Variants in AFAP1L2 observed in about 807,000 individuals in gnomAD.
AFAP1L2 encodes actin filament-associated protein 1-like 2.
In AFAP1L2, 46 loss-of-function variants were observed where a neutral mutation model predicts 99.3. The ratio of observed to expected loss-of-function variants is 0.46; its 90% CI spans 0.37 to 0.59. The LOEUF is 0.59. AFAP1L2 is among the 20% of genes least tolerant of loss of function. AFAP1L2 has a pLI of 0.00. For missense variants in AFAP1L2, 959 were observed against 1,034.9 expected (o/e 0.93, Z 1.01); for synonymous variants, 397 against 419.1 (o/e 0.95, Z 0.64).
chr10:114,285,912 CAGTG>C, the AFAP1L2 span: 10 of 1,555,714 alleles, frequency 6.4e-6, no homozygotes, highest in Non-Finnish European at 8.7e-6. Flanking sequence ...CATGGCTTGA[CAGTG>C]GGTGTTGCTG....
intron 2 of AFAP1L2, among the ~76,000 whole-genome samples, chr10:114,334,390 T>C (rs188260538): frequency 1.3e-5 from 2 of 152,342 alleles, no homozygotes; most frequent in East Asian, 1.9e-4. Flanking sequence ...TCCTAGAAAC[T>C]TGTGGCTGAT....
downstream of AFAP1L2, among the ~76,000 whole-genome samples, chr10:114,292,498 T>C (rs1039337354): frequency 6.6e-5 from 10 of 151,698 alleles, no homozygotes; most frequent in African/African-American, 2.4e-4. Context: ...TAAAGAAATA[T>C]TTCAAGAAAT....
rs139194923 is a variant in AFAP1L2 at position 114,335,339 on chromosome 10, A to G, written c.146-2044T>C. 2.0e-3 allele frequency among the ~76,000 whole-genome samples: 310 copies of G among 152,266 alleles called. 3 individuals carry two copies. The East Asian group carries it at 0.026, about 13-fold the overall frequency. On this transcript the variant is annotated intron_variant, in intron 2 of 18. Coordinates refer to ENST00000304129, the MANE Select transcript of AFAP1L2 (RefSeq NM_001001936.3). ...AAAAGAATACAACATATGGCCGGGCACGGTGGCTCACATCTGTAATCCCAG... is the reference window on the plus strand; with the variant it reads ...AAAAGAATACAACATATGGCCGGGCGCGGTGGCTCACATCTGTAATCCCAG...
At chr10:114,384,068 A>G (rs2056131779) in intron 1 of AFAP1L2, among the ~76,000 whole-genome samples, 1 of 152,174 alleles carries the variant, frequency 6.6e-6, no homozygotes, top group Admixed American at 6.5e-5. Flanking sequence ...GGTCTGCCCT[A>G]AAAGGACCGG....
At chr10:114,318,616 G>A (rs548590444) in intron 5 of AFAP1L2, among the ~76,000 whole-genome samples, 2 of 151,598 alleles carry the variant, frequency 1.3e-5, no homozygotes, top group African/African-American at 2.4e-5. Flanking sequence ...GGTGATGGAC[G>A]CCTATAATCC....
intron 16 of AFAP1L2, 148 bp from the exon 17 acceptor site, chr10:114,297,561 T>A: frequency 1.2e-6 from 1 of 855,704 alleles, no homozygotes; most frequent in Non-Finnish European, 1.8e-6. Flanking sequence ...GGGGCCTGTA[T>A]GCCGGGGCAG....
chr10:114,360,547 A>AGATAGAT lies in AFAP1L2; in HGVS notation c.17-19823_17-19817dup, dbSNP rs1554937916. 2.8e-3 allele frequency among the ~76,000 whole-genome samples: 425 copies of AGATAGAT among 151,988 alleles called. 2 individuals are homozygous for AGATAGAT. Among genetic ancestry groups the AGATAGAT allele is most frequent in the African/African-American group, 9.9e-3 (411 of 41,334 alleles). ...TAGATAGATAGATAGATAGATAGATAGATAGATAGATAGATAGACGGACAG... is the reference window on the plus strand; with the variant it reads ...TAGATAGATAGATAGATAGATAGATAGATAGATGATAGATAGATAGATAGACGGACAG... On this transcript the variant is annotated intron_variant, in intron 1 of 18. Coordinates refer to ENST00000304129, the MANE Select transcript of AFAP1L2 (RefSeq NM_001001936.3).
chr10:114,314,185 C>T (rs1333804087), intron 6 of AFAP1L2, 135 bp from the exon 7 acceptor site: 2 of 771,736 alleles, frequency 2.6e-6, no homozygotes, highest in South Asian at 2.1e-5. Context: ...AGAGGCTGGA[C>T]ACCCCGAAGC....
At chr10:114,299,456 G>A in intron 15 of AFAP1L2, 41 bp from the exon 16 acceptor site, 2 of 1,610,230 alleles carry the variant, frequency 1.2e-6, no homozygotes, top group Non-Finnish European at 1.7e-6. Flanking sequence ...AGCAGAGCTG[G>A]ATCATGAGGG....
chr10:114,281,534 C>T, the AFAP1L2 span, among the ~76,000 whole-genome samples: 1 of 152,228 alleles, frequency 6.6e-6, no homozygotes, highest in South Asian at 2.1e-4. Flanking sequence ...GGAACACCAG[C>T]AGGTGGAAGC....
At chr10:114,287,429 C>T in the AFAP1L2 span, among the ~76,000 whole-genome samples, 1 of 152,128 alleles carries the variant, frequency 6.6e-6, no homozygotes. Flanking sequence ...AATCCACCCA[C>T]CTCAGCCTCC....
the AFAP1L2 span, chr10:114,286,321 G>T: frequency 6.2e-7 from 1 of 1,612,580 alleles, no homozygotes; most frequent in Non-Finnish European, 8.5e-7. Context: ...CCGAGGATGA[G>T]GTTGCGGGCC....
chr10:114,373,302 T>A (rs2054368174), intron 1 of AFAP1L2, among the ~76,000 whole-genome samples: 1 of 152,144 alleles, frequency 6.6e-6, no homozygotes, highest in Non-Finnish European at 1.5e-5. Context: ...GAAATGCATG[T>A]CAACGAGGAA....
chr10:114,398,705 G>A (rs991416820), intron 1 of AFAP1L2: 3 of 590,964 alleles, frequency 5.1e-6, no homozygotes, highest in South Asian at 1.9e-5. Context: ...TTAGAATCCC[G>A]AGCCCCTGAG....
At chr10:114,336,666 C>T (rs1027349644) in intron 2 of AFAP1L2, among the ~76,000 whole-genome samples, 2 of 149,652 alleles carry the variant, frequency 1.3e-5, no homozygotes, top group Non-Finnish European at 3.0e-5. Context: ...AGAGGGGCAG[C>T]CACTGAAATG....
chr10:114,382,586 C>CTCT (rs372497631), intron 1 of AFAP1L2, among the ~76,000 whole-genome samples: 52,668 of 80,106 alleles, frequency 0.66, 15,102 homozygotes, highest in South Asian at 0.74. Context: ...TATATTTCTT[C>CTCT]TCTTTTTTTT....
the AFAP1L2 span, among the ~76,000 whole-genome samples, chr10:114,282,205 T>C: frequency 6.6e-6 from 1 of 152,132 alleles, no homozygotes; most frequent in African/African-American, 2.4e-5. Flanking sequence ...GGCTTCACCA[T>C]GTAGGCCAGG....
At chr10:114,371,442 C>T (rs1451797193) in intron 1 of AFAP1L2, among the ~76,000 whole-genome samples, 1 of 152,124 alleles carries the variant, frequency 6.6e-6, no homozygotes, top group Non-Finnish European at 1.5e-5. Flanking sequence ...GGCAAAGCCC[C>T]CTCATCAGTC....
chr10:114,331,468 A>G (rs1411949854), intron 4 of AFAP1L2, among the ~76,000 whole-genome samples: 3 of 151,880 alleles, frequency 2.0e-5, no homozygotes, highest in Non-Finnish European at 4.4e-5. Flanking sequence ...GCTAGTGCAA[A>G]TTTTTTAAAG....
Sources: gnomAD v4.1 joint callset for allele counts (sites outside exome capture counted in the v4.1 genomes callset) on GRCh38, gnomAD v4.1.1 for gene constraint, MANE v1.5 for transcripts, NCBI Gene and HGNC (gene_info 2026-07-23, HGNC 2026-07-21) for gene names.